Variants in FSTL4 observed in about 807,000 individuals in gnomAD.
The protein encoded by FSTL4 is follistatin-related protein 4.
In FSTL4, 28 loss-of-function variants were observed where a neutral mutation model predicts 78.2. That is an observed-to-expected ratio of 0.36 (90% CI 0.27 to 0.49). FSTL4 has a LOEUF of 0.49. Among genes scored for constraint, FSTL4 ranks in the 20% least tolerant of loss-of-function variants. FSTL4 has a pLI of 0.98. For synonymous variants in FSTL4, 422 were observed against 440.5 expected, an observed-to-expected ratio of 0.96 and a Z score of 0.53; for missense variants, 922 against 1,084.9, an observed-to-expected ratio of 0.85 and a Z score of 2.11.
the FSTL4 span, among the ~76,000 whole-genome samples, chr5:133,653,611 G>C: frequency 6.6e-6 from 1 of 152,200 alleles, no homozygotes; most frequent in African/African-American, 2.4e-5. Context: ...AGCAGTAAAG[G>C]CTGGATAAGC....
the FSTL4 span, among the ~76,000 whole-genome samples, chr5:133,695,073 C>T: frequency 6.6e-5 from 10 of 152,236 alleles, no homozygotes; most frequent in Non-Finnish European, 1.5e-4. Context: ...CCCTCCCATC[C>T]CAGAGGCTTT....
chr5:133,700,269 AC>A, the FSTL4 span, among the ~76,000 whole-genome samples: 1 of 149,598 alleles, frequency 6.7e-6, no homozygotes, highest in Non-Finnish European at 1.5e-5. Flanking sequence ...ACCACACCAA[AC>A]CATCACACCA....
At chr5:133,308,997 C>T (rs895647652) in intron 6 of FSTL4, among the ~76,000 whole-genome samples, 6 of 152,204 alleles carry the variant, frequency 3.9e-5, no homozygotes, top group African/African-American at 9.6e-5. Context: ...AAGAAACTTG[C>T]AATGAATTTG....
At chr5:133,250,125 G>A (rs1752174702) in intron 6 of FSTL4, among the ~76,000 whole-genome samples, 1 of 152,220 alleles carries the variant, frequency 6.6e-6, no homozygotes, top group African/African-American at 2.4e-5. Context: ...TTGGATTTCT[G>A]TCCTATGAAA....
intron 3 of FSTL4, among the ~76,000 whole-genome samples, chr5:133,508,302 A>C (rs1242982955): frequency 6.6e-6 from 1 of 152,174 alleles, no homozygotes; most frequent in Admixed American, 6.5e-5. Context: ...CTTAAATTGC[A>C]AGGATTCTAA....
intron 3 of FSTL4, among the ~76,000 whole-genome samples, chr5:133,519,131 T>C (rs1758922947): frequency 6.6e-6 from 1 of 151,816 alleles, no homozygotes; most frequent in African/African-American, 2.4e-5. Flanking sequence ...AAGGAGGGGG[T>C]CCCCTCCTGC....
intron 3 of FSTL4, among the ~76,000 whole-genome samples, chr5:133,558,509 A>G (rs921103894): frequency 6.6e-6 from 1 of 152,160 alleles, no homozygotes; most frequent in Admixed American, 6.5e-5. Context: ...TTATCCCGGA[A>G]GGCTGTGGGT....
chr5:133,536,804 T>C (rs1314622239), intron 3 of FSTL4, among the ~76,000 whole-genome samples: 1 of 152,184 alleles, frequency 6.6e-6, no homozygotes, highest in African/African-American at 2.4e-5. Flanking sequence ...TATATATTAT[T>C]ATAGGATAAT....
intron 7 of FSTL4, among the ~76,000 whole-genome samples, chr5:133,234,878 T>C (rs1399265940): frequency 6.6e-6 from 1 of 152,162 alleles, no homozygotes; most frequent in Non-Finnish European, 1.5e-5. Flanking sequence ...GTGGGATGCA[T>C]GATATACACA....
At chr5:133,200,434 C>G (rs1266936600) in intron 15 of FSTL4, among the ~76,000 whole-genome samples, 4 of 152,250 alleles carry the variant, frequency 2.6e-5, no homozygotes, top group Non-Finnish European at 5.9e-5. Flanking sequence ...CCTCCGGAGC[C>G]AGATGGCCTG....
intron 3 of FSTL4, among the ~76,000 whole-genome samples, chr5:133,454,130 G>A (rs145970472): frequency 0.011 from 1,694 of 151,792 alleles, 31 homozygotes; most frequent in South Asian, 0.014. Context: ...ATACTATCAC[G>A]CTACTTTCTC....
chr5:133,770,095 GGT>G, the FSTL4 span, among the ~76,000 whole-genome samples: 1 of 151,340 alleles, frequency 6.6e-6, no homozygotes, highest in East Asian at 1.9e-4. Context: ...TGTGTGTGTG[GGT>G]GTGTGTGTGT....
Position 133,312,635 on chromosome 5 carries a change from C to T in FSTL4, c.727+19G>A. On this transcript the variant is annotated intron_variant, in intron 6 of 15. Coordinates refer to ENST00000265342, the MANE Select transcript of FSTL4 (RefSeq NM_015082.2). ...GCACCTGCAGAAATAAGCCCTTTTC[C>T]CACTGGGACCCAACTTACGGAAGGC... is the stretch of plus-strand genomic sequence containing the variant. The T allele has an allele frequency of 1.2e-6, 2 of 1,613,152 alleles. No homozygotes were observed. The highest frequency in any genetic ancestry group is 1.7e-6 in the Non-Finnish European group (2 of 1,179,446).
intron 2 of FSTL4, among the ~76,000 whole-genome samples, chr5:133,602,036 G>C (rs1162066950): frequency 6.6e-6 from 1 of 151,878 alleles, no homozygotes; most frequent in Non-Finnish European, 1.5e-5. Context: ...CTAAGCCCTA[G>C]GCCCATTCCC....
At chr5:133,767,761 C>T in the FSTL4 span, among the ~76,000 whole-genome samples, 1 of 152,210 alleles carries the variant, frequency 6.6e-6, no homozygotes. Context: ...ATCAATAATG[C>T]TCCCATGGTT....
the FSTL4 span, among the ~76,000 whole-genome samples, chr5:133,754,588 G>T: frequency 2.0e-5 from 3 of 152,276 alleles, no homozygotes; most frequent in Middle Eastern, 3.4e-3. Flanking sequence ...AAGTTTACTA[G>T]ACAGGATAGA....
intron 6 of FSTL4, among the ~76,000 whole-genome samples, chr5:133,302,368 A>C (rs527954077): frequency 6.6e-6 from 1 of 152,308 alleles, no homozygotes; most frequent in South Asian, 2.1e-4. Context: ...AGAAAGATCA[A>C]CTTCCACAGC....
At chr5:133,810,980 T>C in the FSTL4 span, among the ~76,000 whole-genome samples, 2 of 152,326 alleles carry the variant, frequency 1.3e-5, no homozygotes, top group Middle Eastern at 3.4e-3. Context: ...AGAAAATTAT[T>C]TGGGGGCTGC....
chr5:133,598,795 C>T (rs767964452), intron 2 of FSTL4, among the ~76,000 whole-genome samples: 24 of 152,210 alleles, frequency 1.6e-4, no homozygotes, highest in Non-Finnish European at 3.4e-4. Flanking sequence ...TCTTTGAAAG[C>T]AAGTCAAGTA....
Sources: allele counts gnomAD v4.1 joint callset (sites outside exome capture counted in the v4.1 genomes callset), GRCh38; gene constraint gnomAD v4.1.1; transcripts MANE v1.5; gene names NCBI Gene and HGNC (gene_info 2026-07-23, HGNC 2026-07-21).